The following CCM2L variants were observed in gnomAD, a reference collection of about 807,000 sequenced individuals.
CCM2L encodes CCM2 like scaffold protein.
CCM2L carries 36 observed loss-of-function variants against 54.1 expected under a neutral mutation model. The ratio of observed to expected loss-of-function variants is 0.67; its 90% CI spans 0.51 to 0.88. CCM2L has a LOEUF of 0.88. Among genes scored for constraint, CCM2L ranks in the 40% least tolerant of loss-of-function variants. The pLI, the probability that CCM2L is intolerant of heterozygous loss-of-function variation, is 0.00. For synonymous variants in CCM2L, 351 were observed against 359.3 expected, an observed-to-expected ratio of 0.98 and a Z score of 0.26; for missense variants, 700 against 812.1, an observed-to-expected ratio of 0.86 and a Z score of 1.68.
intron 5 of CCM2L, 88 bp from the exon 6 acceptor site, chr20:32,022,572 G>A (rs2064814447): frequency 1.3e-6 from 2 of 1,489,618 alleles, no homozygotes; most frequent in South Asian, 1.3e-5. Flanking sequence ...GTATCTTTGT[G>A]CGCATCTTCA....
intron 2 of CCM2L, 92 bp from the exon 3 acceptor site, chr20:32,017,708 T>A (rs2064751539): frequency 1.0e-6 from 1 of 982,096 alleles, no homozygotes; most frequent in Non-Finnish European, 1.6e-6. Context: ...TCTATCTCAA[T>A]CTATCCGCAC....
intron 4 of CCM2L, 26 bp from the exon 5 acceptor site, chr20:32,018,917 G>A: frequency 1.5e-6 from 2 of 1,294,786 alleles, no homozygotes; most frequent in East Asian, 3.2e-5. Context: ...GATCCCCGCG[G>A]CTGACGGTCC....
Position 32,030,161 on chromosome 20 carries a change from A to G in CCM2L, c.1402+323A>G, listed in dbSNP as rs1412651466. On this transcript the variant is annotated intron_variant, in intron 9 of 9. Transcript: ENST00000452892. Reference sequence around the variant, plus strand: ...TCAGAAAGGCTAAGGAACATGTCCAAGGTCACACAGCTAGTAAGGAGGGCT... The same window carrying G: ...TCAGAAAGGCTAAGGAACATGTCCAGGGTCACACAGCTAGTAAGGAGGGCT... 2.6e-5 allele frequency among the ~76,000 whole-genome samples: 4 copies of G among 152,232 alleles called. No individual in the cohort carries two copies. In the East Asian group the frequency reaches 5.8e-4, roughly 22 times the overall value.
At chr20:32,027,030 A>G (rs1298656638) in intron 7 of CCM2L, among the ~76,000 whole-genome samples, 1 of 152,206 alleles carries the variant, frequency 6.6e-6, no homozygotes. Flanking sequence ...TGAAATAAAT[A>G]AATAAACAAA....
chr20:32,020,961 G>A (rs143734941), intron 5 of CCM2L, among the ~76,000 whole-genome samples: 2,337 of 152,130 alleles, frequency 0.015, 56 homozygotes, highest in African/African-American at 0.053. Flanking sequence ...GCAAGACTCC[G>A]TCTCAAAACA....
At chr20:32,029,557 A>G (rs2064899030) in intron 8 of CCM2L, 143 bp from the exon 9 acceptor site, 1 of 1,061,452 alleles carries the variant, frequency 9.4e-7, no homozygotes, top group African/African-American at 1.6e-5. Flanking sequence ...TAAGGGATCT[A>G]GATGTCCTCT....
intron 5 of CCM2L, among the ~76,000 whole-genome samples, chr20:32,022,158 G>T (rs2064811374): frequency 1.3e-5 from 2 of 152,136 alleles, no homozygotes; most frequent in Admixed American, 1.3e-4. Context: ...TTCTATCAGA[G>T]ATTGAATTTT....
chr20:32,019,539 C>G, intron 5 of CCM2L, 130 bp downstream of exon 5: 1 of 586,286 alleles, frequency 1.7e-6, no homozygotes, highest in East Asian at 3.5e-5. Context: ...CCTGCCCCAC[C>G]TAATGGCTCC....
chr20:32,021,653 A>G (rs1178900793), intron 5 of CCM2L, among the ~76,000 whole-genome samples: 1 of 152,172 alleles, frequency 6.6e-6, no homozygotes, highest in Admixed American at 6.5e-5. Flanking sequence ...TCAAAAAAAA[A>G]AAGTTGCTTT....
intron 1 of CCM2L, among the ~76,000 whole-genome samples, chr20:32,013,114 G>A (rs868771611): frequency 1.3e-5 from 2 of 152,108 alleles, no homozygotes; most frequent in East Asian, 3.9e-4. Flanking sequence ...CCCAGGCAAC[G>A]CAGTGAGACC....
chr20:32,031,765 C>A lies in CCM2L; in HGVS notation c.*451C>A, dbSNP rs2064932443. 6.1e-6 allele frequency: 1 copy of A among 164,022 alleles called. No individual in the cohort carries two copies. Among genetic ancestry groups the A allele is most frequent in the African/African-American group, 2.4e-5 (1 of 41,498 alleles). The allele number at this position is 164,022 out of a possible 1,614,324, so 10.2% of individuals were successfully genotyped here. Reference sequence around the variant, plus strand: ...GAAACTATGGTTCAAGAAGAGAGGACGGGGCTTGAGGGAATCTCCTGATTC... The same window carrying A: ...GAAACTATGGTTCAAGAAGAGAGGAAGGGGCTTGAGGGAATCTCCTGATTC... On this transcript the variant is annotated 3_prime_UTR_variant, in exon 10 of 10. Coordinates refer to ENST00000452892, the MANE Select transcript of CCM2L (RefSeq NM_001365692.1).
intron 1 of CCM2L, among the ~76,000 whole-genome samples, chr20:32,011,359 C>T (rs1178025868): frequency 1.3e-5 from 2 of 152,134 alleles, no homozygotes; most frequent in Non-Finnish European, 2.9e-5. Context: ...AATTCTAGCA[C>T]TTTGGGAGGC....
rs2064755445 is a variant in CCM2L at position 32,018,040 on chromosome 20, C to T, written c.344C>T (p.Ala115Val). The T allele has an allele frequency of 2.5e-6, 4 of 1,613,688 alleles. No homozygotes were observed. The highest frequency in any genetic ancestry group is 3.4e-6 in the Non-Finnish European group (4 of 1,180,000). Residue 115 changes from alanine to valine, a missense_variant, in exon 4 of 10, where the codon GCC (alanine) becomes GTC (valine). Transcript: ENST00000452892. Reference sequence around the variant, plus strand: ...CAGGACAGCATCCTGAGCCTGTCTGCCCGCTGCCTGCTGCTCACCTGGCGC... The same window carrying T: ...CAGGACAGCATCCTGAGCCTGTCTGTCCGCTGCCTGCTGCTCACCTGGCGC... ...AEQDSILSLSARCLLLTWRDN... is the reference protein window; with the variant it reads ...AEQDSILSLSVRCLLLTWRDN...
At chr20:32,022,478 A>G (rs2064813419) in intron 5 of CCM2L, among the ~76,000 whole-genome samples, 182 bp from the exon 6 acceptor site, 1 of 152,222 alleles carries the variant, frequency 6.6e-6, no homozygotes. Context: ...TGAATTCTAT[A>G]AAGGGGTTCT....
intron 6 of CCM2L, among the ~76,000 whole-genome samples, chr20:32,023,771 G>A (rs1236556832): frequency 3.3e-5 from 5 of 152,190 alleles, no homozygotes; most frequent in Non-Finnish European, 4.4e-5. Flanking sequence ...TCACTCTGTC[G>A]CCTGAGCTGG....
chr20:32,028,848 G>A, intron 7 of CCM2L, 147 bp from the exon 8 acceptor site: 2 of 976,088 alleles, frequency 2.0e-6, no homozygotes, highest in Non-Finnish European at 3.0e-6. Flanking sequence ...CACAGTGACA[G>A]ATGAGACTTG....
chr20:32,025,931 C>A lies in CCM2L; in HGVS notation c.1133+12C>A, dbSNP rs966068315. ...TGCTGCAGCTCCTTGTGAGTACAGC[C>A]CCTGTCAGGGACTCCACCCTGCTCC... is the stretch of plus-strand genomic sequence containing the variant. On this transcript the variant is annotated intron_variant, in intron 7 of 9. Transcript: ENST00000452892. 5 of 1,303,652 alleles carry A rather than the reference C, an allele frequency of 3.8e-6. No individual in the cohort carries two copies. The highest frequency in any genetic ancestry group is 5.1e-6 in the Non-Finnish European group (5 of 988,542). The allele number at this position is 1,303,652 out of a possible 1,614,324, so 80.8% of individuals were successfully genotyped here.
chr20:32,023,271 T>A (rs951438917), intron 6 of CCM2L, among the ~76,000 whole-genome samples: 4 of 152,152 alleles, frequency 2.6e-5, no homozygotes, highest in Non-Finnish European at 2.9e-5. Flanking sequence ...CACCCAGCCA[T>A]CAGTTTTCAT....
chr20:32,029,590 C>T, intron 8 of CCM2L, 110 bp from the exon 9 acceptor site: 1 of 1,390,596 alleles, frequency 7.2e-7, no homozygotes, highest in Non-Finnish European at 9.5e-7. Context: ...GGAAGGTTTT[C>T]AGAGGAGAGC....
Sources: gnomAD v4.1 joint callset for allele counts (sites outside exome capture counted in the v4.1 genomes callset) on GRCh38, gnomAD v4.1.1 for gene constraint, MANE v1.5 for transcripts, NCBI Gene and HGNC (gene_info 2026-07-23, HGNC 2026-07-21) for gene names.